The following SEMA5A variants were observed in gnomAD, a reference collection of about 807,000 sequenced individuals.
SEMA5A encodes semaphorin 5A.
Under a neutral mutation model 135.5 loss-of-function variants are expected in SEMA5A, and 55 were observed. The ratio of observed to expected loss-of-function variants is 0.41; its 90% CI spans 0.33 to 0.51. SEMA5A has a LOEUF of 0.51. Among genes scored for constraint, SEMA5A ranks in the 20% least tolerant of loss-of-function variants. The probability of loss-of-function intolerance (pLI) is 0.37; values close to 1 mark genes in which losing one functional copy is unlikely to be tolerated. For missense variants in SEMA5A, 1,290 were observed against 1,419.9 expected (o/e 0.91, Z 1.47); for synonymous variants, 580 against 546.5 (o/e 1.06, Z -0.85).
chr5:9,353,157 G>GAAAGGAAAGA (rs1561177130), intron 3 of SEMA5A, among the ~76,000 whole-genome samples: 2 of 78,272 alleles, frequency 2.6e-5, no homozygotes, highest in Non-Finnish European at 4.8e-5. Context: ...GAAAGGAAAG[G>GAAAGGAAAGA]AAAGGAGGGA....
At chr5:9,242,651 C>A (rs564191011) in intron 5 of SEMA5A, among the ~76,000 whole-genome samples, 7 of 152,104 alleles carry the variant, frequency 4.6e-5, no homozygotes, top group Non-Finnish European at 1.0e-4. Flanking sequence ...AAAAGACAAC[C>A]AACGTGGTGC....
chr5:9,365,661 G>T (rs1370091640), intron 3 of SEMA5A, among the ~76,000 whole-genome samples: 1 of 152,160 alleles, frequency 6.6e-6, no homozygotes, highest in African/African-American at 2.4e-5. Context: ...TCCCTTGCCA[G>T]ACACTTCCTT....
chr5:9,071,754 C>T (rs762142964), intron 16 of SEMA5A, among the ~76,000 whole-genome samples: 2 of 152,170 alleles, frequency 1.3e-5, no homozygotes, highest in African/African-American at 2.4e-5. Context: ...TCATCCACAA[C>T]TGAATATGTA....
intron 5 of SEMA5A, among the ~76,000 whole-genome samples, chr5:9,245,939 C>A (rs2150475727): frequency 6.6e-6 from 1 of 152,154 alleles, no homozygotes; most frequent in South Asian, 2.1e-4. Context: ...GACCCTACTC[C>A]TGAACACGAA....
intron 2 of SEMA5A, among the ~76,000 whole-genome samples, chr5:9,386,091 C>G (rs57614514): frequency 6.6e-6 from 1 of 152,064 alleles, no homozygotes; most frequent in Non-Finnish European, 1.5e-5. Context: ...TGAGCCATCA[C>G]GCCCAGCTGG....
intron 22 of SEMA5A, among the ~76,000 whole-genome samples, chr5:9,043,939 T>G (rs976491413): frequency 1.3e-5 from 2 of 152,214 alleles, no homozygotes; most frequent in South Asian, 2.1e-4. Flanking sequence ...CTGTTGTTCA[T>G]GGAAGGAGCT....
At chr5:9,284,672 A>G (rs2150571743) in intron 5 of SEMA5A, among the ~76,000 whole-genome samples, 1 of 152,310 alleles carries the variant, frequency 6.6e-6, no homozygotes, top group East Asian at 1.9e-4. Context: ...GGAAATCACA[A>G]ATGAAACAAA....
chr5:9,263,047 A>T (rs1194720055), intron 5 of SEMA5A, among the ~76,000 whole-genome samples: 1 of 151,574 alleles, frequency 6.6e-6, no homozygotes, highest in Non-Finnish European at 1.5e-5. Context: ...ATAGAAAAAA[A>T]AAAAAAGATA....
At chr5:9,371,665 A>G (rs1755141645) in intron 3 of SEMA5A, among the ~76,000 whole-genome samples, 1 of 152,238 alleles carries the variant, frequency 6.6e-6, no homozygotes, top group Non-Finnish European at 1.5e-5. Context: ...TATTTTGCCA[A>G]TGTGATTTTG....
chr5:9,259,421 T>C (rs1224711325), intron 5 of SEMA5A, among the ~76,000 whole-genome samples: 2 of 151,834 alleles, frequency 1.3e-5, no homozygotes, highest in African/African-American at 2.4e-5. Context: ...TGAGAGATAG[T>C]TTGTTATAAT....
chr5:9,080,942 C>T (rs1738345746), intron 16 of SEMA5A, among the ~76,000 whole-genome samples: 2 of 152,146 alleles, frequency 1.3e-5, no homozygotes, highest in South Asian at 4.1e-4. Flanking sequence ...GTTGGTGGGT[C>T]CTGTGAAGAT....
rs144259630 is a variant in SEMA5A, at chr5:9,277,183, C to T, written c.271-39293G>A. Among the ~76,000 whole-genome samples the T allele has an allele frequency of 2.6e-3, 396 of 152,276 alleles. 2 individuals carry two copies. The highest frequency in any genetic ancestry group is 9.1e-3 in the African/African-American group (378 of 41,544). ...TGAACAGACACTTCTCAAAAGAAGA[C>T]ATTTATGCCACCAACAAACATATGA... On this transcript the variant is annotated intron_variant, in intron 5 of 22. Transcript: ENST00000382496.
intron 5 of SEMA5A, among the ~76,000 whole-genome samples, chr5:9,259,912 T>A (rs1467723417): frequency 1.5e-4 from 3 of 19,442 alleles, no homozygotes; most frequent in African/African-American, 6.0e-4. Flanking sequence ...CTGAAGGAAA[T>A]AGAGACACAA....
At chr5:9,323,343 T>C (rs1752713148) in intron 4 of SEMA5A, among the ~76,000 whole-genome samples, 1 of 152,190 alleles carries the variant, frequency 6.6e-6, no homozygotes, top group Non-Finnish European at 1.5e-5. Context: ...TCATGTGTTA[T>C]TTTTCACAAC....
chr5:9,329,682 A>G (rs898195430), intron 4 of SEMA5A, among the ~76,000 whole-genome samples: 1 of 152,250 alleles, frequency 6.6e-6, no homozygotes, highest in Non-Finnish European at 1.5e-5. Context: ...TTCAATTATT[A>G]TCACAGCCCT....
intron 2 of SEMA5A, among the ~76,000 whole-genome samples, chr5:9,403,328 G>A (rs1756742921): frequency 6.6e-6 from 1 of 152,074 alleles, no homozygotes; most frequent in Non-Finnish European, 1.5e-5. Flanking sequence ...TCACAATCGA[G>A]CTTAGGTCTG....
At position 9,039,548 on chromosome 5, in the gene SEMA5A, AACTCTAGTGAGAGCCT is replaced by A. The variant is rs1306744172; in HGVS notation, c.*3333_*3348del. On this transcript the variant is annotated 3_prime_UTR_variant, in exon 23 of 23. Coordinates refer to ENST00000382496, the MANE Select transcript of SEMA5A (RefSeq NM_003966.3). ...TCTTTTCTTCTCAAATATGAATGGTAACTCTAGTGAGAGCCTACTTGAACAGGCTTAGGGAACCATC... is the reference window on the plus strand; with the variant it reads ...TCTTTTCTTCTCAAATATGAATGGTAACTTGAACAGGCTTAGGGAACCATC... 6.6e-6 allele frequency: 1 copy of A among 152,218 alleles called. No individual in the cohort carries two copies. Among genetic ancestry groups the A allele is most frequent in the African/African-American group, 2.4e-5 (1 of 41,456 alleles). 9.4% of individuals were successfully genotyped at this position (152,218 alleles called of 1,614,324 possible). A position where few individuals can be genotyped will look rare whatever the true frequency, so the allele number is the denominator to read the frequency against.
chr5:9,054,103 G>A lies in SEMA5A; in HGVS notation c.2673C>T (p.Asn891=), dbSNP rs1736751298. The A allele has an allele frequency of 6.2e-6, 10 of 1,611,554 alleles. No individual in the cohort carries two copies. Among genetic ancestry groups the A allele is most frequent in the Non-Finnish European group, 8.5e-6 (10 of 1,179,120 alleles). ...GCCGCTTACCTGGGCAGGGCTGCGTGTTGCAGAGTGCCTCTTCTGTGTGCA... is the reference window on the plus strand; with the variant it reads ...GCCGCTTACCTGGGCAGGGCTGCGTATTGCAGAGTGCCTCTTCTGTGTGCA... ...LGLHTEEALC[N]TQPCPESWSE... The change falls in exon 19 of 23, where the codon AAC becomes AAT. Residue 891 remains asparagine (N), a synonymous_variant. Coordinates refer to ENST00000382496, the MANE Select transcript of SEMA5A (RefSeq NM_003966.3).
At chr5:9,539,211 T>C (rs961147385) in intron 1 of SEMA5A, among the ~76,000 whole-genome samples, 1 of 152,176 alleles carries the variant, frequency 6.6e-6, no homozygotes, top group Non-Finnish European at 1.5e-5. Context: ...AAATACATGG[T>C]GTGTGGTCTT....
Sources: allele counts gnomAD v4.1 joint callset (sites outside exome capture counted in the v4.1 genomes callset), GRCh38; gene constraint gnomAD v4.1.1; transcripts MANE v1.5; gene names NCBI Gene and HGNC (gene_info 2026-07-23, HGNC 2026-07-21).